The following CLSTN2 variants were observed in gnomAD, a reference collection of about 807,000 sequenced individuals.
CLSTN2 encodes calsyntenin 2.
Under a neutral mutation model 101.2 loss-of-function variants are expected in CLSTN2, and 48 were observed. That is an observed-to-expected ratio of 0.47 (90% CI 0.38 to 0.60). CLSTN2 has a LOEUF of 0.60. Ranked by LOEUF, CLSTN2 falls within the 20% of genes least tolerant of loss-of-function variation. CLSTN2 has a pLI of 0.00. For synonymous variants in CLSTN2, 481 were observed against 463.6 expected (o/e 1.04, Z -0.48); for missense variants, 1,160 against 1,238.2 (o/e 0.94, Z 0.95).
intron 2 of CLSTN2, among the ~76,000 whole-genome samples, chr3:140,219,413 C>T (rs75887294): frequency 0.017 from 2,637 of 152,174 alleles, 87 homozygotes; most frequent in African/African-American, 0.061. Flanking sequence ...CCAGATTTCC[C>T]GCAGGTAACC....
chr3:140,105,753 C>G (rs1350353714), intron 1 of CLSTN2, among the ~76,000 whole-genome samples: 2 of 152,214 alleles, frequency 1.3e-5, no homozygotes, highest in African/African-American at 4.8e-5. Flanking sequence ...AGCATCTTAT[C>G]TCCTGTGTAC....
intron 1 of CLSTN2, among the ~76,000 whole-genome samples, chr3:140,037,616 A>G (rs1183484104): frequency 1.3e-5 from 2 of 151,330 alleles, no homozygotes; most frequent in Non-Finnish European, 2.9e-5. Flanking sequence ...AACACGTGCC[A>G]TGGTGGTTTG....
intron 4 of CLSTN2, among the ~76,000 whole-genome samples, chr3:140,407,662 G>A (rs2088318481): frequency 6.6e-6 from 1 of 152,202 alleles, no homozygotes; most frequent in African/African-American, 2.4e-5. Context: ...TAAATTATGA[G>A]CAGATAACTA....
chr3:139,943,769 C>G (rs1356177496), intron 1 of CLSTN2, among the ~76,000 whole-genome samples: 1 of 152,194 alleles, frequency 6.6e-6, no homozygotes, highest in African/African-American at 2.4e-5. Flanking sequence ...AAGCCACCCA[C>G]CTCCAACCTC....
chr3:140,426,561 G>A (rs1027296451), intron 5 of CLSTN2, among the ~76,000 whole-genome samples: 1 of 152,156 alleles, frequency 6.6e-6, no homozygotes, highest in Non-Finnish European at 1.5e-5. Context: ...GGACACAAAC[G>A]TTTAGTCTAT....
chr3:140,153,738 A>T (rs1410923245), intron 1 of CLSTN2, among the ~76,000 whole-genome samples: 1 of 152,148 alleles, frequency 6.6e-6, no homozygotes, highest in Non-Finnish European at 1.5e-5. Context: ...GGAATGTCTG[A>T]GCTTGCTCCA....
At chr3:140,360,882 AG>A (rs1206722107) in intron 2 of CLSTN2, among the ~76,000 whole-genome samples, 2 of 152,228 alleles carry the variant, frequency 1.3e-5, no homozygotes, top group African/African-American at 4.8e-5. Flanking sequence ...ATTCCCACAA[AG>A]AAAAACTCAG....
chr3:140,037,949 A>G (rs187014558), intron 1 of CLSTN2, among the ~76,000 whole-genome samples: 1 of 152,286 alleles, frequency 6.6e-6, no homozygotes, highest in African/African-American at 2.4e-5. Context: ...TCTATCATTG[A>G]TGGGCATTTG....
chr3:140,195,099 T>C (rs146200491), intron 2 of CLSTN2, among the ~76,000 whole-genome samples: 112 of 152,302 alleles, frequency 7.4e-4, no homozygotes, highest in African/African-American at 2.6e-3. Flanking sequence ...CCCATGAGTG[T>C]GGATGTCTAG....
intron 1 of CLSTN2, among the ~76,000 whole-genome samples, chr3:140,054,361 G>T (rs901296615): frequency 2.0e-5 from 3 of 152,110 alleles, no homozygotes; most frequent in Admixed American, 6.5e-5. Flanking sequence ...CTCAATGATA[G>T]TGCCATTCTA....
intron 8 of CLSTN2, among the ~76,000 whole-genome samples, chr3:140,490,117 T>TAC (rs71637079): frequency 5.1e-4 from 1 of 1,958 alleles, no homozygotes; most frequent in African/African-American, 1.2e-3. Flanking sequence ...TATATATATA[T>TAC]ACACACACAC....
Position 140,564,124 on chromosome 3 carries a change from T to A in CLSTN2, c.2646T>A (p.Thr882=), listed in dbSNP as rs768078833. The part of the protein sequence containing the change: ...SEMDWDDSAL[T]ITVNPMEKHE... Reference sequence around the variant, plus strand: ...TGGACTGGGACGATTCTGCGCTGACTATCACAGTCAACCCCATGGAGGTGA... The same window carrying A: ...TGGACTGGGACGATTCTGCGCTGACAATCACAGTCAACCCCATGGAGGTGA... The change falls in exon 16 of 17, where the codon ACT becomes ACA. Residue 882 remains threonine (T), a synonymous_variant. Transcript: ENST00000458420. 1.2e-6 allele frequency: 2 copies of A among 1,613,954 alleles called. No individual in the cohort carries two copies. Among genetic ancestry groups the A allele is most frequent in the Admixed American group, 1.7e-5 (1 of 59,994 alleles).
intron 2 of CLSTN2, among the ~76,000 whole-genome samples, chr3:140,303,926 A>G (rs1393533352): frequency 1.3e-5 from 2 of 151,896 alleles, no homozygotes; most frequent in Non-Finnish European, 2.9e-5. Context: ...GGGAAAATGA[A>G]GTCCACAGAA....
intron 2 of CLSTN2, among the ~76,000 whole-genome samples, chr3:140,340,442 C>A (rs1049808405): frequency 2.0e-5 from 3 of 152,170 alleles, no homozygotes; most frequent in Non-Finnish European, 4.4e-5. Flanking sequence ...ATTGTATATG[C>A]AAAGAGAGGG....
At chr3:140,454,900 T>C (rs527874044) in intron 6 of CLSTN2, 2 of 152,344 alleles carry the variant, frequency 1.3e-5, no homozygotes, top group South Asian at 2.1e-4. Context: ...AGATTTGTGT[T>C]GTGAATAGAA....
intron 1 of CLSTN2, among the ~76,000 whole-genome samples, chr3:140,158,653 T>A (rs529204044): frequency 4.5e-4 from 68 of 152,288 alleles, no homozygotes; most frequent in African/African-American, 1.5e-3. Context: ...AAACTACCAA[T>A]GTCATTTTTC....
chr3:140,338,846 C>T (rs868173566), intron 2 of CLSTN2, among the ~76,000 whole-genome samples: 1 of 152,196 alleles, frequency 6.6e-6, no homozygotes, highest in Non-Finnish European at 1.5e-5. Flanking sequence ...CCCCTTATAG[C>T]CTGGCTAGCT....
chr3:140,171,791 A>T (rs1180073265), intron 1 of CLSTN2, among the ~76,000 whole-genome samples: 3 of 106,152 alleles, frequency 2.8e-5, no homozygotes, highest in African/African-American at 1.2e-4. Context: ...TATAATATAT[A>T]ATATATAATA....
chr3:140,319,759 G>T (rs1318733674), intron 2 of CLSTN2, among the ~76,000 whole-genome samples: 8 of 144,926 alleles, frequency 5.5e-5, no homozygotes, highest in South Asian at 2.1e-4. Flanking sequence ...ATAAGCAAAG[G>T]TGCAAACCCT....
Sources: gnomAD v4.1 joint callset for allele counts (sites outside exome capture counted in the v4.1 genomes callset) on GRCh38, gnomAD v4.1.1 for gene constraint, MANE v1.5 for transcripts, NCBI Gene and HGNC (gene_info 2026-07-23, HGNC 2026-07-21) for gene names.